The following RBFOX1 variants were observed in gnomAD, a reference collection of about 807,000 sequenced individuals.
RBFOX1 encodes RNA binding fox-1 homolog 1, also known as RNA binding protein fox-1 homolog 1.
In RBFOX1, 8 loss-of-function variants were observed where a neutral mutation model predicts 57.7. The ratio of observed to expected loss-of-function variants is 0.14; its 90% CI spans 0.08 to 0.25. RBFOX1 has a LOEUF of 0.25. RBFOX1 is among the 10% of genes least tolerant of loss of function. RBFOX1 has a pLI of 1.00. For missense variants in RBFOX1, 611 were observed against 548.5 expected, an observed-to-expected ratio of 1.11 and a Z score of -1.14; for synonymous variants, 326 against 222.4, an observed-to-expected ratio of 1.47 and a Z score of -4.15.
intron 1 of RBFOX1, among the ~76,000 whole-genome samples, chr16:5,460,097 G>A (rs2068745390): frequency 1.3e-5 from 2 of 151,970 alleles, no homozygotes; most frequent in South Asian, 4.1e-4. Context: ...GGAGTGTAAA[G>A]TCGGCATGTT....
At chr16:7,698,186 GT>G (rs2079416957) in intron 14 of RBFOX1, among the ~76,000 whole-genome samples, 2 of 103,272 alleles carry the variant, frequency 1.9e-5, no homozygotes, top group Non-Finnish European at 4.2e-5. Context: ...CCAAGAGGGT[GT>G]GTGTGTGTGT....
At chr16:7,548,296 A>G (rs1170420699) in intron 5 of RBFOX1, among the ~76,000 whole-genome samples, 1 of 152,102 alleles carries the variant, frequency 6.6e-6, no homozygotes, top group East Asian at 1.9e-4. Flanking sequence ...AGCTGGAACT[A>G]CAGGTGCCTG....
At position 5,364,528 on chromosome 16, in the gene RBFOX1, C is replaced by G. The variant is rs144123452; in HGVS notation, c.220-102688C>G. Among the ~76,000 whole-genome samples, 1,162 of 152,316 alleles carry G rather than the reference C, an allele frequency of 7.6e-3. 14 individuals carry two copies. The highest frequency in any genetic ancestry group is 0.027 in the African/African-American group (1,116 of 41,566). ...GCAAGGGATCTGGCAATAGGGACGT[C>G]CTTCTATGTTTGTAGAAAAGATTTT... is the stretch of plus-strand genomic sequence containing the variant. On this transcript the variant is annotated intron_variant, in intron 1 of 2. Coordinates refer to the RBFOX1 transcript ENST00000585867.
chr16:5,336,018 G>T (rs1057276324), intron 1 of RBFOX1, among the ~76,000 whole-genome samples: 16 of 152,146 alleles, frequency 1.1e-4, no homozygotes, highest in Non-Finnish European at 1.5e-4. Flanking sequence ...TGAGAAAATG[G>T]AGGCTCAGAG....
chr16:7,109,683 C>G (rs974277752), intron 4 of RBFOX1, among the ~76,000 whole-genome samples: 1 of 152,092 alleles, frequency 6.6e-6, no homozygotes, highest in African/African-American at 2.4e-5. Flanking sequence ...TTTAAATACA[C>G]CAGCAGCTGC....
intron 4 of RBFOX1, among the ~76,000 whole-genome samples, chr16:7,327,989 C>G (rs148705543): frequency 1.2e-3 from 185 of 152,254 alleles, no homozygotes; most frequent in Middle Eastern, 6.8e-3. Flanking sequence ...ACAGCCAACA[C>G]TTCTGTTTCT....
At chr16:6,602,479 A>C (rs1601187118) in intron 2 of RBFOX1, among the ~76,000 whole-genome samples, 1 of 152,238 alleles carries the variant, frequency 6.6e-6, no homozygotes, top group East Asian at 1.9e-4. Flanking sequence ...CTGGAAGGAG[A>C]GAGGATCAGT....
At chr16:5,618,825 C>A (rs2048121978) in intron 3 of RBFOX1, among the ~76,000 whole-genome samples, 1 of 152,192 alleles carries the variant, frequency 6.6e-6, no homozygotes, top group Non-Finnish European at 1.5e-5. Flanking sequence ...AGGCAACCTT[C>A]AATGTGGATT....
At chr16:5,892,909 C>G (rs765956560) in intron 4 of RBFOX1, among the ~76,000 whole-genome samples, 1 of 152,120 alleles carries the variant, frequency 6.6e-6, no homozygotes, top group African/African-American at 2.4e-5. Flanking sequence ...GGCTGTAGGC[C>G]TTGAATAAAG....
intron 4 of RBFOX1, among the ~76,000 whole-genome samples, chr16:7,349,793 A>C (rs2097093790): frequency 6.6e-6 from 1 of 152,194 alleles, no homozygotes; most frequent in Non-Finnish European, 1.5e-5. Flanking sequence ...TAACAGGAAA[A>C]AATAAAGCAG....
At chr16:7,709,762 G>C in intron 15 of RBFOX1, 5 of 114,622 alleles carry the variant, frequency 4.4e-5, no homozygotes, top group Non-Finnish European at 7.2e-5. Flanking sequence ...GGGGTGGGGG[G>C]AGGGTAAAAA....
intron 2 of RBFOX1, among the ~76,000 whole-genome samples, chr16:6,597,142 G>C (rs975982574): frequency 1.3e-5 from 2 of 152,144 alleles, no homozygotes; most frequent in East Asian, 1.9e-4. Flanking sequence ...GACATCTACT[G>C]TATAAAATGA....
chr16:7,008,171 C>T (rs191707795), intron 3 of RBFOX1, among the ~76,000 whole-genome samples: 41 of 152,054 alleles, frequency 2.7e-4, no homozygotes, highest in Non-Finnish European at 2.9e-4. Flanking sequence ...TAGTTGTTAC[C>T]GAAGAAAATG....
At chr16:6,125,635 G>GA (rs2096584135) in intron 1 of RBFOX1, among the ~76,000 whole-genome samples, 1 of 152,208 alleles carries the variant, frequency 6.6e-6, no homozygotes, top group South Asian at 2.1e-4. Flanking sequence ...TGTAGGTTCT[G>GA]AATCCAGGGT....
At chr16:6,256,169 A>ATG (rs1555582219) in intron 1 of RBFOX1, among the ~76,000 whole-genome samples, 1 of 12,258 alleles carries the variant, frequency 8.2e-5, no homozygotes, top group Non-Finnish European at 2.3e-4. Context: ...GTATATATAT[A>ATG]TGTATATATA....
intron 4 of RBFOX1, among the ~76,000 whole-genome samples, chr16:7,111,082 CTG>C (rs2064665302): frequency 1.3e-5 from 2 of 152,150 alleles, no homozygotes; most frequent in Admixed American, 1.3e-4. Flanking sequence ...AGCCAAATAA[CTG>C]TGGTTCACTA....
chr16:7,593,227 T>C (rs1011627349), intron 7 of RBFOX1, among the ~76,000 whole-genome samples: 3 of 152,170 alleles, frequency 2.0e-5, no homozygotes, highest in Non-Finnish European at 4.4e-5. Context: ...CAGTCTGGGA[T>C]TCTAATCCAG....
intron 1 of RBFOX1, among the ~76,000 whole-genome samples, chr16:6,261,222 A>T (rs536726846): frequency 1.3e-5 from 2 of 152,190 alleles, no homozygotes; most frequent in East Asian, 3.8e-4. Context: ...AAAATTGGCA[A>T]TTGTTTCTTC....
chr16:7,023,511 G>C (rs1426083642), intron 3 of RBFOX1, among the ~76,000 whole-genome samples: 1 of 133,040 alleles, frequency 7.5e-6, no homozygotes, highest in East Asian at 2.5e-4. Flanking sequence ...TGGAGCACTT[G>C]ATGCCAGGGC....
Sources: allele counts gnomAD v4.1 joint callset (sites outside exome capture counted in the v4.1 genomes callset), GRCh38; gene constraint gnomAD v4.1.1; transcripts MANE v1.5; gene names NCBI Gene and HGNC (gene_info 2026-07-23, HGNC 2026-07-21).